The following SH3GLB1 variants were observed in gnomAD, a reference collection of about 807,000 sequenced individuals.
The protein encoded by SH3GLB1 is SH3 domain containing GRB2 like, endophilin B1, also known as endophilin-B1.
Under a neutral mutation model 42.0 loss-of-function variants are expected in SH3GLB1, and 17 were observed. The ratio of observed to expected loss-of-function variants is 0.40; its 90% CI spans 0.28 to 0.61. The LOEUF is 0.61. Ranked by LOEUF, SH3GLB1 falls within the 20% of genes least tolerant of loss-of-function variation. SH3GLB1 has a pLI of 0.36. For synonymous variants in SH3GLB1, 132 were observed against 146.6 expected, an observed-to-expected ratio of 0.90 and a Z score of 0.72; for missense variants, 355 against 426.3, an observed-to-expected ratio of 0.83 and a Z score of 1.47.
intron 6 of SH3GLB1, 24 bp from the exon 7 acceptor site, chr1:86,735,055 A>C (rs1399590143): frequency 2.5e-6 from 4 of 1,575,480 alleles, no homozygotes; most frequent in Non-Finnish European, 3.5e-6. Flanking sequence ...ACAGCTAAGA[A>C]CTAACTATAA....
chr1:86,734,934 C>A, intron 6 of SH3GLB1, 145 bp from the exon 7 acceptor site: 1 of 666,770 alleles, frequency 1.5e-6, no homozygotes, highest in East Asian at 2.7e-5. Flanking sequence ...GTACTATTCA[C>A]GAAGGCCAAT....
Position 86,734,710 on chromosome 1 carries a change from G to A in SH3GLB1, c.660+19G>A, listed in dbSNP as rs951389734. ...TACACATGTGAGTATTCATTCATTG[G>A]AAATTCATTTGGAACAAGACTTTGG... On this transcript the variant is annotated intron_variant, in intron 6 of 8. Coordinates refer to ENST00000370558, the MANE Select transcript of SH3GLB1 (RefSeq NM_016009.5). 25 of 1,592,100 alleles carry A rather than the reference G, an allele frequency of 1.6e-5. No individual in the cohort carries two copies. Among genetic ancestry groups the A allele is most frequent in the Non-Finnish European group, 2.1e-5 (24 of 1,162,358 alleles).
At chr1:86,732,071 T>C (rs1655539689) in intron 5 of SH3GLB1, among the ~76,000 whole-genome samples, 1 of 152,098 alleles carries the variant, frequency 6.6e-6, no homozygotes, top group Non-Finnish European at 1.5e-5. Context: ...TCTCAAAAAA[T>C]AAATAAATGA....
intron 1 of SH3GLB1, among the ~76,000 whole-genome samples, chr1:86,714,584 T>C (rs537080153): frequency 6.6e-6 from 1 of 152,274 alleles, no homozygotes; most frequent in African/African-American, 2.4e-5. Flanking sequence ...CTTAAGGTGT[T>C]GATAATAACC....
intron 1 of SH3GLB1, among the ~76,000 whole-genome samples, chr1:86,710,250 C>T (rs1654124357): frequency 1.3e-5 from 2 of 150,724 alleles, no homozygotes; most frequent in South Asian, 4.2e-4. Context: ...TTAAATTCAT[C>T]ATATTTCTTG....
At chr1:86,723,148 A>G (rs1307965081) in intron 4 of SH3GLB1, among the ~76,000 whole-genome samples, 1 of 152,230 alleles carries the variant, frequency 6.6e-6, no homozygotes, top group Non-Finnish European at 1.5e-5. Flanking sequence ...TATGTTCACA[A>G]TGGATTTGTC....
At chr1:86,720,979 T>C (rs780241720) in intron 3 of SH3GLB1, among the ~76,000 whole-genome samples, 1 of 152,242 alleles carries the variant, frequency 6.6e-6, no homozygotes, top group Non-Finnish European at 1.5e-5. Context: ...GATGTTTTAT[T>C]GCCTACTTGT....
chr1:86,713,860 T>G (rs1451225416), intron 1 of SH3GLB1, among the ~76,000 whole-genome samples: 1 of 152,274 alleles, frequency 6.6e-6, no homozygotes, highest in Non-Finnish European at 1.5e-5. Context: ...ATCAGATTAT[T>G]TATTTATCTA....
chr1:86,723,438 C>G (rs1209187953), intron 4 of SH3GLB1, among the ~76,000 whole-genome samples: 1 of 152,094 alleles, frequency 6.6e-6, no homozygotes, highest in African/African-American at 2.4e-5. Context: ...TGCTTGAACC[C>G]TGGAGGCGGA....
chr1:86,709,110 A>T (rs1056724886), intron 1 of SH3GLB1, among the ~76,000 whole-genome samples: 1 of 152,240 alleles, frequency 6.6e-6, no homozygotes, highest in Non-Finnish European at 1.5e-5. Flanking sequence ...ATCATTTTCA[A>T]TTCCAAATGA....
At chr1:86,732,298 C>T (rs1387925276) in intron 5 of SH3GLB1, among the ~76,000 whole-genome samples, 1 of 152,170 alleles carries the variant, frequency 6.6e-6, no homozygotes, top group African/African-American at 2.4e-5. Flanking sequence ...GCTTACCTAA[C>T]CTATGTTATG....
At position 86,747,994 on chromosome 1, in the gene SH3GLB1, TG is replaced by T. The variant is rs1336550681; in HGVS notation, c.*4762del. On this transcript the variant is annotated 3_prime_UTR_variant, in exon 9 of 9. Coordinates refer to ENST00000370558, the MANE Select transcript of SH3GLB1 (RefSeq NM_016009.5). ...TCTGTGCATTTATAGATATTTTTAA[TG>T]GGATCAAAGTGTACATACTGTTTTG... The T allele has an allele frequency of 3.3e-5, 5 of 152,188 alleles. No homozygotes were observed. Among genetic ancestry groups the T allele is most frequent in the African/African-American group, 1.2e-4 (5 of 41,440 alleles). The allele number at this position is 152,188 out of a possible 1,614,324, so 9.4% of individuals were successfully genotyped here. A position where few individuals can be genotyped will look rare whatever the true frequency, so the allele number is the denominator to read the frequency against.
At chr1:86,740,913 C>T (rs1656027963) in intron 7 of SH3GLB1, among the ~76,000 whole-genome samples, 1 of 151,548 alleles carries the variant, frequency 6.6e-6, no homozygotes, top group African/African-American at 2.4e-5. Flanking sequence ...CTGGGTATCT[C>T]TTTTTTTAAA....
At chr1:86,722,032 T>TTA in intron 3 of SH3GLB1, among the ~76,000 whole-genome samples, 1 of 149,860 alleles carries the variant, frequency 6.7e-6, no homozygotes, top group African/African-American at 2.5e-5. Context: ...TTTTTTTTTT[T>TTA]AATAGTGACA....
chr1:86,719,367 A>T (rs1369140253), intron 2 of SH3GLB1, 140 bp from the exon 3 acceptor site: 19 of 449,824 alleles, frequency 4.2e-5, no homozygotes, highest in Non-Finnish European at 6.5e-5. Context: ...CATAAAATTT[A>T]AAAAATTATT....
chr1:86,740,627 T>C (rs966712026), intron 7 of SH3GLB1, among the ~76,000 whole-genome samples: 1 of 152,140 alleles, frequency 6.6e-6, no homozygotes, highest in Non-Finnish European at 1.5e-5. Flanking sequence ...AATGGGATAG[T>C]AGAAACTATT....
intron 1 of SH3GLB1, among the ~76,000 whole-genome samples, chr1:86,708,223 G>C (rs995155055): frequency 6.6e-6 from 1 of 152,188 alleles, no homozygotes; most frequent in Admixed American, 6.5e-5. Context: ...TCATCACTGA[G>C]TTCCTACATT....
chr1:86,734,989 C>A, intron 6 of SH3GLB1, 90 bp from the exon 7 acceptor site: 1 of 932,420 alleles, frequency 1.1e-6, no homozygotes, highest in Non-Finnish European at 1.7e-6. Context: ...GTGAGTCTAC[C>A]TCAGTACAAT....
chr1:86,735,631 C>T (rs878888566), intron 7 of SH3GLB1, among the ~76,000 whole-genome samples: 10 of 152,140 alleles, frequency 6.6e-5, no homozygotes, highest in Admixed American at 3.9e-4. Flanking sequence ...TAATATACTT[C>T]AAAGCAAAAT....
Sources: gnomAD v4.1 joint callset for allele counts (sites outside exome capture counted in the v4.1 genomes callset) on GRCh38, gnomAD v4.1.1 for gene constraint, MANE v1.5 for transcripts, NCBI Gene and HGNC (gene_info 2026-07-23, HGNC 2026-07-21) for gene names.